Variants in ZFHX3 observed in about 807,000 individuals in gnomAD.
ZFHX3 encodes the protein zinc finger homeobox protein 3.
ZFHX3 carries 42 observed loss-of-function variants against 279.1 expected under a neutral mutation model. The ratio of observed to expected loss-of-function variants is 0.15; its 90% CI spans 0.12 to 0.19. The LOEUF (loss-of-function observed/expected upper bound fraction) is 0.19, where lower values mean the gene tolerates loss of function less well. Among genes scored for constraint, ZFHX3 ranks in the 10% least tolerant of loss-of-function variants. The pLI is 1.00. For missense variants in ZFHX3, 4,981 were observed against 4,754.0 expected (o/e 1.05, Z -1.40); for synonymous variants, 2,293 against 1,957.8 (o/e 1.17, Z -4.52).
In ZFHX3 at chr16:72,958,213, A is replaced by G; in HGVS notation, c.1933T>C (p.Cys645Arg). Residue 645 changes from cysteine (C) to arginine (R), a missense_variant, in exon 2 of 10, where the codon TGC becomes CGC. Coordinates refer to ENST00000268489, the MANE Select transcript of ZFHX3 (RefSeq NM_006885.4). ...CGGGAGGAGCCCAGGACCGTGTCGC[A>G]TTTGGGGCACTCCACGCCACTCCCC... ...PSGSGVECPKCDTVLGSSRSL... is the reference protein window; with the variant it reads ...PSGSGVECPKRDTVLGSSRSL... 1 of 1,611,690 alleles carries G rather than the reference A, an allele frequency of 6.2e-7. No individual in the cohort carries two copies. The highest frequency in any genetic ancestry group is 1.1e-5 in the South Asian group (1 of 91,060).
chr16:73,761,082 A>G (rs2053860866), intron 1 of ZFHX3, among the ~76,000 whole-genome samples: 4 of 152,076 alleles, frequency 2.6e-5, no homozygotes, highest in Admixed American at 2.0e-4. Context: ...TATCTAGAAA[A>G]CCTCATCATC....
intron 3 of ZFHX3, among the ~76,000 whole-genome samples, chr16:73,450,815 G>T (rs35007901): frequency 0.084 from 12,810 of 152,148 alleles, 736 homozygotes; most frequent in Middle Eastern, 0.14. Context: ...TCTTACAGGG[G>T]GAGTCTTTTT....
intron 3 of ZFHX3, among the ~76,000 whole-genome samples, chr16:73,343,604 T>C (rs1341327975): frequency 1.3e-5 from 2 of 152,130 alleles, no homozygotes; most frequent in Non-Finnish European, 2.9e-5. Context: ...TGCCTATCTG[T>C]AATCTTGGCT....
intron 1 of ZFHX3, among the ~76,000 whole-genome samples, chr16:73,708,154 AC>A (rs1185027145): frequency 1.3e-5 from 2 of 152,174 alleles, no homozygotes; most frequent in Admixed American, 6.5e-5. Context: ...TTAGCAAACA[AC>A]CCTTGAGTGA....
At chr16:73,784,544 C>A (rs1364537374) in intron 1 of ZFHX3, among the ~76,000 whole-genome samples, 1 of 151,794 alleles carries the variant, frequency 6.6e-6, no homozygotes, top group African/African-American at 2.4e-5. Flanking sequence ...GTCAAGAGAT[C>A]GAGACAATCC....
At chr16:73,037,401 C>T (rs7189666) in intron 1 of ZFHX3, among the ~76,000 whole-genome samples, 1,568 of 152,248 alleles carry the variant, frequency 0.01, 36 homozygotes, top group African/African-American at 0.035. Context: ...GCTCATCTGT[C>T]GTCTAGAAAA....
chr16:72,835,855 G>A (rs995046462), intron 4 of ZFHX3, among the ~76,000 whole-genome samples: 7 of 152,122 alleles, frequency 4.6e-5, no homozygotes, highest in South Asian at 2.1e-4. Context: ...ACACTCTAGC[G>A]TGTCCAATCC....
intron 1 of ZFHX3, among the ~76,000 whole-genome samples, chr16:73,737,841 CAGG>C (rs1303546615): frequency 6.6e-6 from 1 of 152,086 alleles, no homozygotes; most frequent in Non-Finnish European, 1.5e-5. Context: ...AGAGAGTGGG[CAGG>C]AGAAGGGAAA....
chr16:73,473,349 A>AAAAAAAAC (rs2018705231), intron 2 of ZFHX3, among the ~76,000 whole-genome samples: 1 of 51,068 alleles, frequency 2.0e-5, no homozygotes, highest in Non-Finnish European at 4.2e-5. Flanking sequence ...CAAAAAAAAA[A>AAAAAAAAC]AAAAAAAACA....
Position 73,334,810 on chromosome 16 carries a change from C to CCTTTTTTTTTT in ZFHX3, c.-1290-16475_-1290-16474insAAAAAAAAAAG, listed in dbSNP as rs1555510772. Among the ~76,000 whole-genome samples the CCTTTTTTTTTT allele has an allele frequency of 9.2e-4, 53 of 57,912 alleles. 11 individuals are homozygous for CCTTTTTTTTTT. Among genetic ancestry groups the CCTTTTTTTTTT allele is most frequent in the African/African-American group, 2.6e-3 (45 of 17,372 alleles). The allele number at this position is 57,912 out of a possible 152,430, so 38.0% of individuals were successfully genotyped here. Reference sequence around the variant, plus strand: ...TCTTTTCCTCCTTTTCTTTCTCATTCTTTTTTTTTTTTTTTTTTTTTTTTT... The same window carrying CCTTTTTTTTTT: ...TCTTTTCCTCCTTTTCTTTCTCATTCCTTTTTTTTTTTTTTTTTTTTTTTTTTTTTTTTTTT... On this transcript the variant is annotated intron_variant, in intron 3 of 17. Coordinates refer to the ZFHX3 transcript ENST00000641206.
intron 2 of ZFHX3, among the ~76,000 whole-genome samples, chr16:73,471,535 A>G (rs925731180): frequency 6.6e-6 from 1 of 151,996 alleles, no homozygotes; most frequent in Non-Finnish European, 1.5e-5. Flanking sequence ...CAGCCTCCCA[A>G]GTAGTTGGGA....
chr16:72,959,499 G>C lies in ZFHX3; in HGVS notation c.647C>G (p.Pro216Arg), dbSNP rs200201291. ...GAGCCCCGCCAGGGCTGAGGTATTCGGGAAAGCCTGGTCTGGGCCCTCAAA... is the reference window on the plus strand; with the variant it reads ...GAGCCCCGCCAGGGCTGAGGTATTCCGGAAAGCCTGGTCTGGGCCCTCAAA... ...KWFEGPDQAF[P>R]NTSALAGLSP... The change falls in exon 2 of 10, where the codon CCG becomes CGG. Residue 216 changes from proline to arginine, a missense_variant. By Grantham distance (103) the Pro-to-Arg change is moderately radical. Coordinates refer to ENST00000268489, the MANE Select transcript of ZFHX3 (RefSeq NM_006885.4). 1 of 1,614,260 alleles carries C rather than the reference G, an allele frequency of 6.2e-7. No individual in the cohort carries two copies. Among genetic ancestry groups the C allele is most frequent in the Admixed American group, 1.7e-5 (1 of 60,034 alleles).
chr16:73,237,528 CTTTTTTT>C (rs886922274), intron 5 of ZFHX3, among the ~76,000 whole-genome samples: 2 of 84,144 alleles, frequency 2.4e-5, no homozygotes, highest in Admixed American at 2.9e-4. Context: ...CAAATGCAGC[CTTTTTTT>C]TTTTTTTTTT....
chr16:72,841,412 T>C (rs768115778), intron 4 of ZFHX3, among the ~76,000 whole-genome samples: 3 of 152,178 alleles, frequency 2.0e-5, no homozygotes, highest in Non-Finnish European at 2.9e-5. Context: ...GCAGATGGAA[T>C]TGCTAACTTG....
intron 2 of ZFHX3, among the ~76,000 whole-genome samples, chr16:73,535,097 C>G (rs1325344010): frequency 2.0e-5 from 3 of 152,046 alleles, no homozygotes; most frequent in Non-Finnish European, 4.4e-5. Flanking sequence ...GGTGTAAATT[C>G]TCCCACTGTG....
At chr16:73,255,016 G>C (rs967818282) in intron 5 of ZFHX3, among the ~76,000 whole-genome samples, 3 of 152,122 alleles carry the variant, frequency 2.0e-5, no homozygotes, top group Admixed American at 2.0e-4. Context: ...ATTGCACTGA[G>C]ATACGAACAT....
chr16:72,810,775 G>GGGTTCAAATCTCAACTCTGCTCC (rs2036422090), intron 7 of ZFHX3, among the ~76,000 whole-genome samples: 1 of 152,072 alleles, frequency 6.6e-6, no homozygotes, highest in African/African-American at 2.4e-5. Context: ...TGGAAATTGC[G>GGGTTCAAATCTCAACTCTGCTCC]GGTTCAAATC....
At chr16:73,303,528 G>A (rs2015106919) in intron 4 of ZFHX3, among the ~76,000 whole-genome samples, 1 of 152,080 alleles carries the variant, frequency 6.6e-6, no homozygotes, top group African/African-American at 2.4e-5. Flanking sequence ...AACAGATGGA[G>A]CCAACGGCCT....
At chr16:73,585,234 G>T (rs2051912707) in intron 2 of ZFHX3, among the ~76,000 whole-genome samples, 1 of 152,188 alleles carries the variant, frequency 6.6e-6, no homozygotes, top group Non-Finnish European at 1.5e-5. Context: ...TGGCCAACAT[G>T]GTGAAACCCC....
Sources: allele counts gnomAD v4.1 joint callset (sites outside exome capture counted in the v4.1 genomes callset), GRCh38; gene constraint gnomAD v4.1.1; transcripts MANE v1.5; gene names NCBI Gene and HGNC (gene_info 2026-07-23, HGNC 2026-07-21).